NFKBID: variants seen among roughly 807,000 people sequenced by gnomAD.
The protein encoded by NFKBID is NFKB inhibitor delta, also known as NF-kappa-B inhibitor delta.
In NFKBID, 26 loss-of-function variants were observed where a neutral mutation model predicts 53.4. The ratio of observed to expected loss-of-function variants is 0.49; its 90% CI spans 0.36 to 0.68. NFKBID has a LOEUF of 0.68. Among genes scored for constraint, NFKBID ranks in the 30% least tolerant of loss-of-function variants. The pLI is 0.00. For missense variants in NFKBID, 493 were observed against 614.1 expected, an observed-to-expected ratio of 0.80 and a Z score of 2.08; for synonymous variants, 262 against 259.8, an observed-to-expected ratio of 1.01 and a Z score of -0.08.
chr19:35,891,034 TG>T (rs2098635465), intron 9 of NFKBID, among the ~76,000 whole-genome samples: 1 of 152,174 alleles, frequency 6.6e-6, no homozygotes, highest in South Asian at 2.1e-4. Flanking sequence ...TTCCCACCAG[TG>T]TCTGAGAAAG....
Position 35,896,974 on chromosome 19 carries a change from G to T in NFKBID, c.517C>A (p.Arg173=). Residue 173 remains arginine, a synonymous_variant, in exon 5 of 12, where the codon CGA becomes AGA. Coordinates refer to ENST00000641389, the Ensembl canonical transcript of NFKBID. This position sits in a 1 kb window ranked among gnomAD's most constrained non-coding sequence, Gnocchi z 5.7. Reference sequence around the variant, plus strand: ...GGCCCCAAAGCCAGCATGTGAGCTCGGGCCACCTCCAGCGATGGTCCAGGG... The same window carrying T: ...GGCCCCAAAGCCAGCATGTGAGCTCTGGCCACCTCCAGCGATGGTCCAGGG... 1 of 1,608,628 alleles carries T rather than the reference G, an allele frequency of 6.2e-7. No individual in the cohort carries two copies. The highest frequency in any genetic ancestry group is 8.5e-7 in the Non-Finnish European group (1 of 1,177,670).
Position 35,896,864 on chromosome 19 carries a change from G to GC in NFKBID, c.579-34dup. ...CAGGTGGGGGACAGCCGTGAGAACA[G>GC]CCCCCACCAAGCCAAGAGTCTGCAG... is the stretch of plus-strand genomic sequence containing the variant. On this transcript the variant is annotated intron_variant, in intron 5 of 11. Coordinates refer to ENST00000641389, the Ensembl canonical transcript of NFKBID. The surrounding 1 kb of genome is among the most constrained non-coding windows in gnomAD (Gnocchi z 5.7). 6.2e-7 allele frequency: 1 copy of GC among 1,613,122 alleles called. No individual in the cohort carries two copies. The highest frequency in any genetic ancestry group is 1.1e-5 in the South Asian group (1 of 91,046).
At chr19:35,900,613 C>G in exon 1 of NFKBID, 1 of 1,230,122 alleles carries the variant, frequency 8.1e-7, no homozygotes, top group South Asian at 4.2e-5. Flanking sequence ...CAGGGCCCGC[C>G]CACAGGCCTG....
chr19:35,897,712 G>A (rs990216727), exon 4 of NFKBID: 7 of 1,612,464 alleles, frequency 4.3e-6, no homozygotes, highest in African/African-American at 1.3e-5. Flanking sequence ...GAAGTCAGGA[G>A]GCAGGAAATT....
chr19:35,899,314 TCA>T (rs1241522211), intron 1 of NFKBID, among the ~76,000 whole-genome samples: 12 of 151,978 alleles, frequency 7.9e-5, no homozygotes, highest in Non-Finnish European at 1.8e-4. Context: ...GAGCGGTGGC[TCA>T]CGCCTGTAAT....
At chr19:35,902,039 C>T (rs1975579913), upstream of NFKBID, 1 of 639,490 alleles carries the variant, frequency 1.6e-6, no homozygotes, top group African/African-American at 1.8e-5. Context: ...ATCCATAAGC[C>T]ATCAACCCCC....
rs762387288 is a variant in NFKBID at position 35,890,289 on chromosome 19, G to A, written c.1149+85C>T. The A allele has an allele frequency of 1.1e-4, 111 of 1,003,758 alleles. 1 individual carries two copies. Among genetic ancestry groups the A allele is most frequent in the Non-Finnish European group, 4.0e-5 (26 of 642,252 alleles). 62.2% of individuals were successfully genotyped at this position (1,003,758 alleles called of 1,614,324 possible). A position where few individuals can be genotyped will look rare whatever the true frequency, so the allele number is the denominator to read the frequency against. ...AGATCCCACACATCGTCCCCTCCAC[G>A]TCCACAGCCCCCAGGACCCCTAACA... On this transcript the variant is annotated intron_variant, in intron 10 of 11. Coordinates refer to ENST00000641389, the Ensembl canonical transcript of NFKBID.
At chr19:35,898,485 A>G in exon 3 of NFKBID, 1 of 1,535,058 alleles carries the variant, frequency 6.5e-7, no homozygotes, top group Admixed American at 2.0e-5. Flanking sequence ...TCACAGCCTC[A>G]TTCACAGATG....
chr19:35,891,866 C>CA (rs553659618), intron 9 of NFKBID, among the ~76,000 whole-genome samples: 2,513 of 136,072 alleles, frequency 0.018, 82 homozygotes, highest in African/African-American at 0.063. Context: ...GACTCCGTCT[C>CA]AAAAAAAAAA....
intron 9 of NFKBID, among the ~76,000 whole-genome samples, chr19:35,895,686 C>T (rs1245877867): frequency 1.3e-5 from 2 of 152,074 alleles, no homozygotes; most frequent in African/African-American, 4.8e-5. Context: ...TGCCTGTAAT[C>T]CCAGCTACTC....
intron 11 of NFKBID, among the ~76,000 whole-genome samples, chr19:35,889,630 A>G (rs539000494): frequency 4.0e-4 from 61 of 152,256 alleles, no homozygotes; most frequent in Admixed American, 1.0e-3. Flanking sequence ...CTTGAGGTCA[A>G]GCAAGATTCA....
chr19:35,898,938 A>G, intron 1 of NFKBID, 116 bp from the exon 2 acceptor site: 1 of 699,000 alleles, frequency 1.4e-6, no homozygotes. Context: ...GCGCGGAAAA[A>G]CTGGCACATA....
At chr19:35,890,540 C>A (rs374358512) in intron 9 of NFKBID, 50 bp from the exon 10 acceptor site, 95 of 1,258,108 alleles carry the variant, frequency 7.6e-5, no homozygotes, top group Non-Finnish European at 1.1e-4. Flanking sequence ...CACCTAGGTG[C>A]CCTCCCACAG....
chr19:35,902,215 C>T (rs200474863), upstream of NFKBID: 38 of 703,108 alleles, frequency 5.4e-5, no homozygotes, highest in Non-Finnish European at 9.3e-5. Context: ...CCAGCAGACA[C>T]TCCCATCTTC....
intron 11 of NFKBID, among the ~76,000 whole-genome samples, chr19:35,889,007 T>G (rs1974563266): frequency 1.3e-5 from 2 of 149,456 alleles, no homozygotes; most frequent in Admixed American, 1.3e-4. Context: ...ATTGCACCAC[T>G]GCACTCCAGC....
chr19:35,898,441 GA>G (rs1975340531), intron 3 of NFKBID, 30 bp downstream of exon 3: 1 of 1,452,214 alleles, frequency 6.9e-7, no homozygotes, highest in Non-Finnish European at 9.3e-7. Flanking sequence ...AGGGAAGGGG[GA>G]TGGGGAGGCC....
chr19:35,890,305 AC>A, intron 10 of NFKBID, 68 bp downstream of exon 10: 1 of 1,035,996 alleles, frequency 9.7e-7, no homozygotes, highest in Middle Eastern at 2.8e-4. Context: ...AGCCCCCAGG[AC>A]CCCTAACATC....
chr19:35,898,512 T>C (rs1599625817), exon 3 of NFKBID: 1 of 1,533,296 alleles, frequency 6.5e-7, no homozygotes, highest in Non-Finnish European at 8.7e-7. Flanking sequence ...GGGGCTGCTC[T>C]GGGGGAGGGA....
chr19:35,896,882 G>A lies in NFKBID; in HGVS notation c.578+31C>T, dbSNP rs750869553. On this transcript the variant is annotated intron_variant, in intron 5 of 11. Transcript: ENST00000641389. The surrounding 1 kb of genome is among the most constrained non-coding windows in gnomAD (Gnocchi z 5.7). The stretch of plus-strand genomic sequence containing the variant: ...GAGAACAGCCCCCACCAAGCCAAGA[G>A]TCTGCAGACAACCCTATCCCTTATA... 3 of 1,613,858 alleles carry A rather than the reference G, an allele frequency of 1.9e-6. No individual in the cohort carries two copies. Among genetic ancestry groups the A allele is most frequent in the South Asian group, 2.2e-5 (2 of 91,080 alleles).
Sources: gnomAD v4.1 joint callset for allele counts (sites outside exome capture counted in the v4.1 genomes callset) on GRCh38, gnomAD v4.1.1 for gene constraint, Gnocchi (gnomAD v3.1) non-coding constraint, MANE v1.5 for transcripts, NCBI Gene and HGNC (gene_info 2026-07-23, HGNC 2026-07-21) for gene names.